CSMD1: variants seen among roughly 807,000 people sequenced by gnomAD.
The protein encoded by CSMD1 is CUB and Sushi multiple domains 1.
In CSMD1, 213 loss-of-function variants were observed where a neutral mutation model predicts 417.5. The ratio of observed to expected loss-of-function variants is 0.51; its 90% CI spans 0.46 to 0.57. The LOEUF (loss-of-function observed/expected upper bound fraction) is 0.57, where lower values mean the gene tolerates loss of function less well. CSMD1 is among the 20% of genes least tolerant of loss of function. CSMD1 has a pLI of 0.00. For synonymous variants in CSMD1, 2,862 were observed against 1,736.8 expected (o/e 1.65, Z -16.11); for missense variants, 6,923 against 4,529.7 (o/e 1.53, Z -15.17).
intron 12 of CSMD1, among the ~76,000 whole-genome samples, chr8:3,434,924 C>T (rs559448961): frequency 9.8e-5 from 15 of 152,314 alleles, no homozygotes; most frequent in African/African-American, 1.7e-4. Flanking sequence ...TCAACTATCA[C>T]GGGCTAGTCA....
intron 6 of CSMD1, among the ~76,000 whole-genome samples, chr8:3,727,282 C>T (rs747007777): frequency 6.6e-6 from 1 of 152,158 alleles, no homozygotes; most frequent in East Asian, 1.9e-4. Flanking sequence ...CATACACATA[C>T]CTTTGAGGCA....
At chr8:4,898,201 A>G (rs931498598) in intron 1 of CSMD1, among the ~76,000 whole-genome samples, 1 of 152,164 alleles carries the variant, frequency 6.6e-6, no homozygotes. Context: ...TATATTGCAA[A>G]TGGAATGATT....
chr8:2,956,817 T>C (rs1803042966), intron 63 of CSMD1, among the ~76,000 whole-genome samples: 1 of 152,148 alleles, frequency 6.6e-6, no homozygotes, highest in Non-Finnish European at 1.5e-5. Context: ...TTTCACTAAT[T>C]AGTAACCACA....
chr8:2,978,541 T>C (rs1288833397), intron 55 of CSMD1, 71 bp downstream of exon 55: 1 of 1,232,596 alleles, frequency 8.1e-7, no homozygotes, highest in Non-Finnish European at 1.1e-6. Context: ...TTAAATATAC[T>C]TACGGAATTT....
At chr8:3,698,447 G>A (rs945456335) in intron 7 of CSMD1, among the ~76,000 whole-genome samples, 6 of 152,084 alleles carry the variant, frequency 3.9e-5, no homozygotes, top group South Asian at 2.1e-4. Context: ...GAGGTTAATG[G>A]CGCTATTATT....
At chr8:4,212,174 T>TTA (rs10682206) in intron 3 of CSMD1, among the ~76,000 whole-genome samples, 3,816 of 145,660 alleles carry the variant, frequency 0.026, 66 homozygotes, top group East Asian at 0.061. Context: ...ACTTCCCTAT[T>TTA]TATATATATA....
chr8:4,283,229 C>G (rs963953078), intron 3 of CSMD1, among the ~76,000 whole-genome samples: 1 of 152,034 alleles, frequency 6.6e-6, no homozygotes, highest in African/African-American at 2.4e-5. Flanking sequence ...TTTAAAGTAT[C>G]CACTATCCTT....
In CSMD1 at chr8:4,556,202, T is replaced by C. The variant is rs192029160; in HGVS notation, c.302+81140A>G. Among the ~76,000 whole-genome samples, 11 of 152,334 alleles carry C rather than the reference T, an allele frequency of 7.2e-5. No homozygotes were observed. The East Asian group carries it at 2.1e-3, about 29-fold the overall frequency. ...TTGAATTTACGACAACATTTTATTA[T>C]GGGGATACTTTATATCAGAAAAGTT... On this transcript the variant is annotated intron_variant, in intron 2 of 69. Coordinates refer to ENST00000635120, the MANE Select transcript of CSMD1 (RefSeq NM_033225.6).
intron 1 of CSMD1, among the ~76,000 whole-genome samples, chr8:4,713,798 G>A (rs1027486075): frequency 1.3e-5 from 2 of 152,022 alleles, no homozygotes; most frequent in African/African-American, 4.8e-5. Context: ...ATTCTAGGAG[G>A]GTGTCATTCT....
intron 3 of CSMD1, among the ~76,000 whole-genome samples, chr8:4,085,569 G>A (rs918520534): frequency 1.3e-5 from 2 of 152,130 alleles, no homozygotes; most frequent in South Asian, 2.1e-4. Context: ...CTAGGAAGAA[G>A]AATATGAAAG....
In CSMD1 at chr8:4,463,472, CAG is replaced by C. The variant is rs554018889; in HGVS notation, c.303-43409_303-43408del. 1.5e-3 allele frequency among the ~76,000 whole-genome samples: 224 copies of C among 152,252 alleles called. 1 individual carries two copies. The highest frequency in any genetic ancestry group is 4.9e-3 in the African/African-American group (204 of 41,546). On this transcript the variant is annotated intron_variant, in intron 2 of 69. Transcript: ENST00000635120. ...AAAATTTGTATGCAAATGGTTATAG[CAG>C]AGTTATTCATAATTGCAAAAAGTGG...
chr8:3,874,295 C>A (rs1387151715), intron 5 of CSMD1, among the ~76,000 whole-genome samples: 2 of 152,154 alleles, frequency 1.3e-5, no homozygotes, highest in Non-Finnish European at 2.9e-5. Context: ...CCTGGACCAC[C>A]TGTACTTTGG....
At chr8:3,630,284 G>C (rs1304843766) in intron 7 of CSMD1, among the ~76,000 whole-genome samples, 2 of 152,182 alleles carry the variant, frequency 1.3e-5, no homozygotes, top group Admixed American at 6.5e-5. Flanking sequence ...TGACATTTAA[G>C]CTGAAATGGA....
intron 2 of CSMD1, among the ~76,000 whole-genome samples, chr8:4,559,156 G>C (rs1187839747): frequency 1.3e-5 from 2 of 152,050 alleles, no homozygotes; most frequent in South Asian, 2.1e-4. Flanking sequence ...ATCAAGATCT[G>C]GTCTTTGTAT....
chr8:4,952,025 A>G (rs1808786074), intron 1 of CSMD1, among the ~76,000 whole-genome samples: 1 of 151,308 alleles, frequency 6.6e-6, no homozygotes, highest in African/African-American at 2.4e-5. Flanking sequence ...ATAATATAGA[A>G]ATACATATAT....
chr8:4,604,243 C>A (rs1472122955), intron 2 of CSMD1, among the ~76,000 whole-genome samples: 1 of 151,814 alleles, frequency 6.6e-6, no homozygotes, highest in South Asian at 2.1e-4. Context: ...TGACTACTAC[C>A]TTTTTCATAA....
chr8:3,577,166 T>G (rs1800184090), intron 9 of CSMD1, among the ~76,000 whole-genome samples: 1 of 152,194 alleles, frequency 6.6e-6, no homozygotes. Flanking sequence ...GTGTCCTAGG[T>G]GCCTGCTGTG....
intron 2 of CSMD1, among the ~76,000 whole-genome samples, chr8:4,430,738 C>G (rs1296578087): frequency 1.3e-5 from 2 of 152,034 alleles, no homozygotes; most frequent in African/African-American, 2.4e-5. Context: ...AAGCATGAAA[C>G]AGCATCCACA....
chr8:4,024,288 G>A (rs1796947929), intron 4 of CSMD1, among the ~76,000 whole-genome samples: 1 of 152,132 alleles, frequency 6.6e-6, no homozygotes, highest in African/African-American at 2.4e-5. Flanking sequence ...AAAGCATGAA[G>A]AATAATGTAA....
Sources: allele counts gnomAD v4.1 joint callset (sites outside exome capture counted in the v4.1 genomes callset), GRCh38; gene constraint gnomAD v4.1.1; transcripts MANE v1.5; gene names NCBI Gene and HGNC (gene_info 2026-07-23, HGNC 2026-07-21).